The following IGSF3 variants were observed in gnomAD, a reference collection of about 807,000 sequenced individuals.
IGSF3 encodes glu-Trp-Ile EWI motif-containing protein 3.
IGSF3 carries 23 observed loss-of-function variants against 114.4 expected under a neutral mutation model. The observed-to-expected ratio is 0.20, with a 90% CI of 0.14 to 0.28. The LOEUF is 0.28. Ranked by LOEUF, IGSF3 falls within the 10% of genes least tolerant of loss-of-function variation. IGSF3 has a pLI of 1.00. For missense variants in IGSF3, 1,172 were observed against 1,591.5 expected, an observed-to-expected ratio of 0.74 and a Z score of 4.48; for synonymous variants, 571 against 645.2, an observed-to-expected ratio of 0.88 and a Z score of 1.74.
intron 2 of IGSF3, among the ~76,000 whole-genome samples, chr1:116,626,600 A>G (rs566648885): frequency 1.3e-5 from 2 of 151,968 alleles, no homozygotes; most frequent in South Asian, 4.2e-4. Flanking sequence ...GACCATTGAA[A>G]CCCCAGGGAA....
chr1:116,643,706 C>T (rs917092745), intron 2 of IGSF3, among the ~76,000 whole-genome samples: 14 of 152,200 alleles, frequency 9.2e-5, no homozygotes, highest in African/African-American at 2.2e-4. Flanking sequence ...TCTACGGGCA[C>T]GTCTTGTGTT....
chr1:116,585,070 A>G lies in IGSF3; in HGVS notation c.2441-18T>C, dbSNP rs773694483. On this transcript the variant is annotated intron_variant, in intron 8 of 10. Transcript: ENST00000369486. This position sits in a 1 kb window ranked among gnomAD's most constrained non-coding sequence, Gnocchi z 4.9. ...GCGGCTGTCTGGAACAGTAAGGAAG[A>G]GACGTCAGCGACAAAAGGACAACAA... is the stretch of plus-strand genomic sequence containing the variant. 1 of 1,504,784 alleles carries G rather than the reference A, an allele frequency of 6.6e-7. No individual in the cohort carries two copies. The highest frequency in any genetic ancestry group is 1.4e-5 in the South Asian group (1 of 72,436). 93.2% of individuals were successfully genotyped at this position (1,504,784 alleles called of 1,614,324 possible). A position where few individuals can be genotyped will look rare whatever the true frequency, so the allele number is the denominator to read the frequency against.
intron 2 of IGSF3, among the ~76,000 whole-genome samples, chr1:116,640,734 C>T: frequency 6.6e-6 from 1 of 152,112 alleles, no homozygotes; most frequent in Non-Finnish European, 1.5e-5. Context: ...CTTTTTATTG[C>T]AATAAATATT....
chr1:116,617,804 C>G (rs1196613026), intron 2 of IGSF3, among the ~76,000 whole-genome samples: 2 of 152,252 alleles, frequency 1.3e-5, no homozygotes, highest in Non-Finnish European at 2.9e-5. Context: ...TTCTGTGGCT[C>G]TGGATCCATA....
chr1:116,621,022 G>A (rs769246703), intron 2 of IGSF3, among the ~76,000 whole-genome samples: 17 of 152,248 alleles, frequency 1.1e-4, no homozygotes, highest in Middle Eastern at 3.4e-3. Context: ...GGAGGTGACC[G>A]GATCACAGGA....
intron 2 of IGSF3, among the ~76,000 whole-genome samples, chr1:116,622,058 C>A (rs61786659): frequency 6.6e-6 from 1 of 152,174 alleles, no homozygotes; most frequent in Non-Finnish European, 1.5e-5. Context: ...TCTCTAGGCA[C>A]AGGATCCAAC....
At position 116,583,565 on chromosome 1, in the gene IGSF3, G is replaced by A. The variant is rs1659683776; in HGVS notation, c.2848+1080C>T. On this transcript the variant is annotated intron_variant, in intron 9 of 10. Transcript: ENST00000369486. This position sits in a 1 kb window ranked among gnomAD's most constrained non-coding sequence, Gnocchi z 4.5. ...CCAACGAAATGAGCTGCTCTACTCA[G>A]ACATGAAGACATGGTGAAAACTTCC... 6.6e-6 allele frequency among the ~76,000 whole-genome samples: 1 copy of A among 152,182 alleles called. No homozygotes were observed. The highest frequency in any genetic ancestry group is 2.4e-5 in the African/African-American group (1 of 41,430).
intron 7 of IGSF3, among the ~76,000 whole-genome samples, chr1:116,590,003 G>C (rs1450131296): frequency 6.6e-6 from 1 of 152,162 alleles, no homozygotes. Context: ...GAACGAGTGG[G>C]TGAGCGAATG....
At position 116,651,305 on chromosome 1, in the gene IGSF3, T is replaced by G. The variant is rs1247837741; in HGVS notation, c.43+14979A>C. 1.3e-5 allele frequency among the ~76,000 whole-genome samples: 2 copies of G among 152,220 alleles called. No homozygotes were observed. The highest frequency in any genetic ancestry group is 2.9e-5 in the Non-Finnish European group (2 of 68,042). On this transcript the variant is annotated intron_variant, in intron 2 of 10. Coordinates refer to ENST00000369486, the MANE Select transcript of IGSF3 (RefSeq NM_001007237.3). The surrounding 1 kb of genome is among the most constrained non-coding windows in gnomAD (Gnocchi z 4.4). Reference sequence around the variant, plus strand: ...CCTATCCCTGCCTTCCATCTTAGCTTTCCAGCATACTCTTCCCAGGTTCTT... The same window carrying G: ...CCTATCCCTGCCTTCCATCTTAGCTGTCCAGCATACTCTTCCCAGGTTCTT...
chr1:116,656,554 TG>T (rs1282942169), intron 2 of IGSF3, among the ~76,000 whole-genome samples: 1 of 152,082 alleles, frequency 6.6e-6, no homozygotes, highest in Non-Finnish European at 1.5e-5. Flanking sequence ...CCTCCCAAAG[TG>T]CTGGGATTAC....
At position 116,650,976 on chromosome 1, in the gene IGSF3, G is replaced by A. The variant is rs4044720; in HGVS notation, c.43+15308C>T. On this transcript the variant is annotated intron_variant, in intron 2 of 10. Transcript: ENST00000369486. This position sits in a 1 kb window ranked among gnomAD's most constrained non-coding sequence, Gnocchi z 5.0. ...GCCAGAGTGCTGGGCTTCTCCCAGC[G>A]GGATCCAGCTGGGGCCTTCTCCTCA... Among the ~76,000 whole-genome samples, 14 of 152,300 alleles carry A rather than the reference G, an allele frequency of 9.2e-5. No homozygotes were observed. The highest frequency in any genetic ancestry group is 2.9e-4 in the African/African-American group (12 of 41,550).
rs1328950772 is a variant in IGSF3 at position 116,579,490 on chromosome 1, G to A, written c.3236C>T (p.Ser1079Phe). Reference sequence around the variant, plus strand: ...GGGCAGCCACTCCTCCACATGGCAGGAGTAATTGCCTGTATCTTGGGGGCT... The same window carrying A: ...GGGCAGCCACTCCTCCACATGGCAGAAGTAATTGCCTGTATCTTGGGGGCT... ...QASPQDTGNY[S>F]CHVEEWLPSP... is the part of the protein sequence containing the mutation. The change falls in exon 10 of 11, where the codon TCC becomes TTC. Residue 1079 changes from serine (S) to phenylalanine (F), a missense_variant. By Grantham distance (155) the Ser-to-Phe change is radical. Coordinates refer to ENST00000369486, the MANE Select transcript of IGSF3 (RefSeq NM_001007237.3). This position sits in a 1 kb window ranked among gnomAD's most constrained non-coding sequence, Gnocchi z 6.4. 25 of 1,613,930 alleles carry A rather than the reference G, an allele frequency of 1.5e-5. No individual in the cohort carries two copies. Among genetic ancestry groups the A allele is most frequent in the Non-Finnish European group, 1.8e-5 (21 of 1,180,020 alleles).
Position 116,588,624 on chromosome 1 carries a change from C to T in IGSF3, c.2440+70G>A, listed in dbSNP as rs972572328. On this transcript the variant is annotated intron_variant, in intron 8 of 10. Coordinates refer to ENST00000369486, the MANE Select transcript of IGSF3 (RefSeq NM_001007237.3). This position sits in a 1 kb window ranked among gnomAD's most constrained non-coding sequence, Gnocchi z 4.9. ...GTCTCTCCACACCAGCCCCACAGAT[C>T]CCCACCCACCCCCAGGCAGTCTCTG... 13 of 1,152,000 alleles carry T rather than the reference C, an allele frequency of 1.1e-5. No homozygotes were observed. In the African/African-American group the frequency reaches 1.7e-4, roughly 15 times the overall value. 71.4% of individuals were successfully genotyped at this position (1,152,000 alleles called of 1,614,324 possible).
chr1:116,637,229 G>C (rs1647874619), intron 2 of IGSF3, among the ~76,000 whole-genome samples: 1 of 152,190 alleles, frequency 6.6e-6, no homozygotes, highest in Admixed American at 6.5e-5. Context: ...ACTAATGGCA[G>C]CCAGGGGAAA....
At chr1:116,617,153 A>AGTTCCCAGCTAAACCTGTG (rs1355649114) in intron 2 of IGSF3, 230 of 244,278 alleles carry the variant, frequency 9.4e-4, no homozygotes, top group Middle Eastern at 4.2e-3. Flanking sequence ...GGGGGGAACT[A>AGTTCCCAGCTAAACCTGTG]ACAGTGCCCA....
chr1:116,656,562 T>C (rs999013130), intron 2 of IGSF3, among the ~76,000 whole-genome samples: 2 of 151,802 alleles, frequency 1.3e-5, no homozygotes, highest in African/African-American at 2.4e-5. Context: ...AGTGCTGGGA[T>C]TACAGGCGTG....
In IGSF3 at chr1:116,648,411, C is replaced by T. The variant is rs1170994661; in HGVS notation, c.43+17873G>A. The stretch of plus-strand genomic sequence containing the variant: ...AGATCACACACAGAGTAAGAGGTGC[C>T]TCTCAAATGCCTTTCCCACGTGTCT... On this transcript the variant is annotated intron_variant, in intron 2 of 10. Coordinates refer to ENST00000369486, the MANE Select transcript of IGSF3 (RefSeq NM_001007237.3). This position sits in a 1 kb window ranked among gnomAD's most constrained non-coding sequence, Gnocchi z 4.7. Among the ~76,000 whole-genome samples, 1 of 152,174 alleles carries T rather than the reference C, an allele frequency of 6.6e-6. No individual in the cohort carries two copies. The highest frequency in any genetic ancestry group is 2.4e-5 in the African/African-American group (1 of 41,424).
chr1:116,585,170 C>G lies in IGSF3; in HGVS notation c.2441-118G>C. ...ATACAGAAGGACGGCAGCACACACT[C>G]CATTAGGAGAAACGTTTCTCAGATG... is the stretch of plus-strand genomic sequence containing the variant. On this transcript the variant is annotated intron_variant, in intron 8 of 10. Coordinates refer to ENST00000369486, the MANE Select transcript of IGSF3 (RefSeq NM_001007237.3). This position sits in a 1 kb window ranked among gnomAD's most constrained non-coding sequence, Gnocchi z 4.9. 1 of 696,310 alleles carries G rather than the reference C, an allele frequency of 1.4e-6. No homozygotes were observed. The highest frequency in any genetic ancestry group is 2.7e-5 in the East Asian group (1 of 37,158). 43.1% of individuals were successfully genotyped at this position (696,310 alleles called of 1,614,324 possible).
rs546600166 is a variant in IGSF3 at position 116,662,332 on chromosome 1, A to T, written c.43+3952T>A. ...GTGATCCACCCGCCTCAGCCTCCCA[A>T]AGTGCTGCGGTTACAAGCATGAGCC... On this transcript the variant is annotated intron_variant, in intron 2 of 10. Coordinates refer to ENST00000369486, the MANE Select transcript of IGSF3 (RefSeq NM_001007237.3). This position sits in a 1 kb window ranked among gnomAD's most constrained non-coding sequence, Gnocchi z 4.3. Among the ~76,000 whole-genome samples, 1 of 152,144 alleles carries T rather than the reference A, an allele frequency of 6.6e-6. No homozygotes were observed. The highest frequency in any genetic ancestry group is 1.9e-4 in the East Asian group (1 of 5,176).
Sources: allele counts gnomAD v4.1 joint callset (sites outside exome capture counted in the v4.1 genomes callset), GRCh38; gene constraint gnomAD v4.1.1; non-coding constraint Gnocchi (gnomAD v3.1); transcripts MANE v1.5; gene names NCBI Gene and HGNC (gene_info 2026-07-23, HGNC 2026-07-21).